PCDH9: variants seen among roughly 807,000 people sequenced by gnomAD.
The protein encoded by PCDH9 is protocadherin-9.
PCDH9 carries 24 observed loss-of-function variants against 70.6 expected under a neutral mutation model. The observed-to-expected ratio is 0.34, with a 90% confidence interval of 0.25 to 0.48. The LOEUF is 0.48. PCDH9 is among the 20% of genes least tolerant of loss of function. The probability of loss-of-function intolerance (pLI) is 0.99; values close to 1 mark genes in which losing one functional copy is unlikely to be tolerated. For missense variants in PCDH9, 1,281 were observed against 1,503.6 expected, an observed-to-expected ratio of 0.85 and a Z score of 2.45; for synonymous variants, 562 against 558.5, an observed-to-expected ratio of 1.01 and a Z score of -0.09.
At chr13:66,320,287 T>C (rs1383353320) in intron 4 of PCDH9, among the ~76,000 whole-genome samples, 1 of 152,070 alleles carries the variant, frequency 6.6e-6, no homozygotes, top group Non-Finnish European at 1.5e-5. Context: ...TGTTAAGTAA[T>C]TCCTTTTTTA....
chr13:66,691,200 C>G (rs2078480012), intron 3 of PCDH9, among the ~76,000 whole-genome samples: 1 of 151,996 alleles, frequency 6.6e-6, no homozygotes, highest in Non-Finnish European at 1.5e-5. Flanking sequence ...CCATGCCTAG[C>G]TAATTTTTGT....
At chr13:66,835,477 G>A (rs1482523580) in intron 3 of PCDH9, among the ~76,000 whole-genome samples, 1 of 152,180 alleles carries the variant, frequency 6.6e-6, no homozygotes, top group Non-Finnish European at 1.5e-5. Flanking sequence ...TTGTATTTGG[G>A]TCTGTCATTG....
chr13:67,217,580 T>A (rs1482552622), intron 2 of PCDH9: 1 of 152,114 alleles, frequency 6.6e-6, no homozygotes, highest in African/African-American at 2.4e-5. Context: ...CATGTATGTC[T>A]AGAACAAAAT....
chr13:66,908,004 G>A (rs138009003), intron 2 of PCDH9, among the ~76,000 whole-genome samples: 2,942 of 152,222 alleles, frequency 0.019, 100 homozygotes, highest in African/African-American at 0.066. Context: ...TCCTTTTCAT[G>A]AAGAATTCTA....
At chr13:66,893,862 T>C (rs900377218) in intron 3 of PCDH9, among the ~76,000 whole-genome samples, 1 of 152,290 alleles carries the variant, frequency 6.6e-6, no homozygotes, top group African/African-American at 2.4e-5. Context: ...TATTCTATTC[T>C]ACTCTCTTAC....
intron 4 of PCDH9, among the ~76,000 whole-genome samples, chr13:66,508,191 T>C (rs1192796863): frequency 6.6e-6 from 1 of 152,208 alleles, no homozygotes; most frequent in Non-Finnish European, 1.5e-5. Flanking sequence ...TAACTGTTAT[T>C]TGTACCCATT....
At chr13:66,672,226 C>T (rs2078184903) in intron 3 of PCDH9, among the ~76,000 whole-genome samples, 1 of 152,202 alleles carries the variant, frequency 6.6e-6, no homozygotes, top group South Asian at 2.1e-4. Context: ...ATATAGCCTA[C>T]AGACAAAACT....
At chr13:66,521,584 C>T (rs17081420) in intron 4 of PCDH9, among the ~76,000 whole-genome samples, 36,868 of 151,976 alleles carry the variant, frequency 0.24, 4,873 homozygotes, top group South Asian at 0.35. Flanking sequence ...GAAGATTCTG[C>T]TATATTGCTG....
At chr13:66,326,390 CT>C (rs1447423868) in intron 4 of PCDH9, among the ~76,000 whole-genome samples, 2 of 145,016 alleles carry the variant, frequency 1.4e-5, no homozygotes, top group Non-Finnish European at 3.0e-5. Flanking sequence ...GTGTTTTCTT[CT>C]TCTTCTAAAA....
At chr13:66,457,009 T>C (rs1958330219) in intron 4 of PCDH9, among the ~76,000 whole-genome samples, 2 of 152,124 alleles carry the variant, frequency 1.3e-5, no homozygotes, top group Admixed American at 6.6e-5. Context: ...ATCCTGAATT[T>C]AGTAAATATT....
chr13:66,997,028 C>CTT (rs1471450669), intron 2 of PCDH9, among the ~76,000 whole-genome samples: 1 of 152,152 alleles, frequency 6.6e-6, no homozygotes, highest in African/African-American at 2.4e-5. Flanking sequence ...CTAAATACCC[C>CTT]TTTCAAGAGA....
intron 3 of PCDH9, among the ~76,000 whole-genome samples, chr13:66,845,302 G>T (rs1458789680): frequency 6.6e-6 from 1 of 152,198 alleles, no homozygotes; most frequent in Non-Finnish European, 1.5e-5. Context: ...AGTCCAGAGG[G>T]GGCTGAGGCA....
chr13:66,898,251 T>G (rs1390558658), intron 3 of PCDH9, among the ~76,000 whole-genome samples: 1 of 152,068 alleles, frequency 6.6e-6, no homozygotes, highest in African/African-American at 2.4e-5. Flanking sequence ...TCCCCAAATA[T>G]GTATGCATGT....
chr13:67,024,165 G>A (rs372416245), intron 2 of PCDH9, among the ~76,000 whole-genome samples: 5 of 152,136 alleles, frequency 3.3e-5, no homozygotes, highest in African/African-American at 9.7e-5. Context: ...ACAATTACTG[G>A]ATAATTTAAA....
intron 3 of PCDH9, among the ~76,000 whole-genome samples, chr13:66,639,738 T>C (rs552153603): frequency 6.6e-6 from 1 of 152,316 alleles, no homozygotes; most frequent in African/African-American, 2.4e-5. Context: ...CCCACCCTTA[T>C]AAGTCTCCTC....
chr13:66,651,125 A>G (rs766452985), intron 3 of PCDH9, among the ~76,000 whole-genome samples: 1 of 151,952 alleles, frequency 6.6e-6, no homozygotes. Context: ...ATCTTAGAGA[A>G]CTAGAAAAGA....
At chr13:66,648,277 C>A (rs984426539) in intron 3 of PCDH9, among the ~76,000 whole-genome samples, 1 of 152,218 alleles carries the variant, frequency 6.6e-6, no homozygotes, top group African/African-American at 2.4e-5. Flanking sequence ...GGCTTCAGGT[C>A]TGAACCAGTG....
At chr13:66,392,875 C>T (rs267309) in intron 4 of PCDH9, among the ~76,000 whole-genome samples, 151,217 of 151,666 alleles carry the variant, frequency 1, 75,386 homozygotes, top group East Asian at 1. Context: ...AGGGTAAAAA[C>T]ATGGGCATTT....
At chr13:67,204,239 T>A (rs1016603144) in intron 2 of PCDH9, 1 of 152,138 alleles carries the variant, frequency 6.6e-6, no homozygotes, top group Non-Finnish European at 1.5e-5. Context: ...CTCAGTTGAA[T>A]AACTCCTCCT....
Sources: gnomAD v4.1 joint callset for allele counts (sites outside exome capture counted in the v4.1 genomes callset) on GRCh38, gnomAD v4.1.1 for gene constraint, MANE v1.5 for transcripts, NCBI Gene and HGNC (gene_info 2026-07-23, HGNC 2026-07-21) for gene names.